The following NUMB variants were observed in gnomAD, a reference collection of about 807,000 sequenced individuals.
NUMB encodes the protein NUMB endocytic adaptor protein.
Under a neutral mutation model 59.7 loss-of-function variants are expected in NUMB, and 29 were observed. That is an observed-to-expected ratio of 0.49 (90% CI 0.36 to 0.66). NUMB has a LOEUF of 0.66. Ranked by LOEUF, NUMB falls within the 30% of genes least tolerant of loss-of-function variation. The pLI is 0.00. For synonymous variants in NUMB, 288 were observed against 288.2 expected (o/e 1.00, Z 0.01); for missense variants, 723 against 822.0 (o/e 0.88, Z 1.47).
At chr14:73,292,272 A>G (rs1310410997) in intron 8 of NUMB, among the ~76,000 whole-genome samples, 1 of 151,854 alleles carries the variant, frequency 6.6e-6, no homozygotes, top group Non-Finnish European at 1.5e-5. Flanking sequence ...TTAGTTTCCA[A>G]CTTGTGGTCT....
At chr14:73,415,201 A>G (rs1008454400) in intron 1 of NUMB, among the ~76,000 whole-genome samples, 2 of 151,660 alleles carry the variant, frequency 1.3e-5, no homozygotes, top group Admixed American at 6.6e-5. Flanking sequence ...CTTGCTTCTC[A>G]TGTTCTGCTT....
intron 1 of NUMB, among the ~76,000 whole-genome samples, chr14:73,427,107 A>C (rs1305888481): frequency 1.3e-5 from 2 of 152,212 alleles, no homozygotes; most frequent in Non-Finnish European, 2.9e-5. Flanking sequence ...GAAGGCTGAA[A>C]GCAACTGGCC....
intron 1 of NUMB, among the ~76,000 whole-genome samples, chr14:73,445,381 A>AAAAAAAAAC (rs1883413658): frequency 4.6e-5 from 6 of 129,848 alleles, no homozygotes; most frequent in Non-Finnish European, 6.6e-5. Context: ...AAAAAAAAAA[A>AAAAAAAAAC]AAAAAAAAAA....
At chr14:73,417,587 A>C (rs1897183768) in intron 1 of NUMB, among the ~76,000 whole-genome samples, 1 of 152,036 alleles carries the variant, frequency 6.6e-6, no homozygotes, top group South Asian at 2.1e-4. Flanking sequence ...TTAAAAATAC[A>C]TCTATAATGT....
intron 1 of NUMB, among the ~76,000 whole-genome samples, chr14:73,444,855 CA>C (rs11370548): frequency 0.062 from 7,350 of 118,426 alleles, 438 homozygotes; most frequent in African/African-American, 0.2. Context: ...CACTCCGTCT[CA>C]AAAAAAAAAA....
intron 4 of NUMB, among the ~76,000 whole-genome samples, chr14:73,326,301 G>A (rs935640980): frequency 4.6e-5 from 7 of 152,002 alleles, no homozygotes; most frequent in Admixed American, 6.6e-5. Context: ...GAATAGCACC[G>A]CAGATCAGAA....
At chr14:73,402,627 A>G (rs1260927285) in intron 2 of NUMB, among the ~76,000 whole-genome samples, 1 of 152,194 alleles carries the variant, frequency 6.6e-6, no homozygotes, top group Non-Finnish European at 1.5e-5. Flanking sequence ...CCAATGTATT[A>G]GGCACTGTAT....
At chr14:73,368,342 CGAGGCAAGTGGATCGCCT>C (rs1894482489) in intron 2 of NUMB, among the ~76,000 whole-genome samples, 2 of 152,108 alleles carry the variant, frequency 1.3e-5, no homozygotes, top group Admixed American at 1.3e-4. Context: ...TTTGGGAGGC[CGAGGCAAGTGGATCGCCT>C]GAGGTCAGGA....
chr14:73,310,035 C>T (rs994035649), intron 6 of NUMB, among the ~76,000 whole-genome samples: 2 of 152,072 alleles, frequency 1.3e-5, no homozygotes, highest in African/African-American at 4.8e-5. Context: ...AGTATATTAA[C>T]AGGATCTGTT....
chr14:73,423,811 A>G (rs540830943), intron 1 of NUMB, among the ~76,000 whole-genome samples: 2 of 151,868 alleles, frequency 1.3e-5, no homozygotes, highest in Admixed American at 6.6e-5. Context: ...TTCTGTCTCA[A>G]AAAAATTAGC....
chr14:73,394,428 G>A (rs1896020424), intron 2 of NUMB, among the ~76,000 whole-genome samples: 1 of 149,760 alleles, frequency 6.7e-6, no homozygotes, highest in Admixed American at 6.7e-5. Context: ...AAAAAAGAGA[G>A]AGAGATTGTC....
At chr14:73,336,437 A>AAT (rs1427657150) in intron 4 of NUMB, among the ~76,000 whole-genome samples, 3 of 152,218 alleles carry the variant, frequency 2.0e-5, no homozygotes, top group Non-Finnish European at 4.4e-5. Flanking sequence ...TGGGGAATTA[A>AAT]ATATAACCAA....
chr14:73,419,115 T>G (rs1249011744), intron 1 of NUMB, among the ~76,000 whole-genome samples: 1 of 152,118 alleles, frequency 6.6e-6, no homozygotes, highest in African/African-American at 2.4e-5. Flanking sequence ...AATGTCAGGT[T>G]TATAAAAAAA....
intron 4 of NUMB, among the ~76,000 whole-genome samples, chr14:73,354,959 T>C (rs1454032810): frequency 6.6e-6 from 1 of 152,178 alleles, no homozygotes; most frequent in African/African-American, 2.4e-5. Context: ...CCCCCACATT[T>C]AATACATCTC....
At chr14:73,325,278 G>C (rs1159642007) in intron 4 of NUMB, among the ~76,000 whole-genome samples, 1 of 152,028 alleles carries the variant, frequency 6.6e-6, no homozygotes, top group Non-Finnish European at 1.5e-5. Context: ...GACCAGCCTG[G>C]ACAACATAGT....
At chr14:73,329,743 A>C (rs1283116976) in intron 4 of NUMB, among the ~76,000 whole-genome samples, 1 of 152,190 alleles carries the variant, frequency 6.6e-6, no homozygotes. Flanking sequence ...CTCCAGTACC[A>C]AGTTTTGACT....
intron 5 of NUMB, among the ~76,000 whole-genome samples, chr14:73,320,063 C>T (rs909138381): frequency 5.9e-5 from 9 of 152,014 alleles, no homozygotes; most frequent in African/African-American, 2.2e-4. Context: ...ACCTGGGAGG[C>T]AGAGGTTGCA....
intron 2 of NUMB, among the ~76,000 whole-genome samples, chr14:73,371,005 C>T (rs1486635971): frequency 7.0e-6 from 1 of 142,600 alleles, no homozygotes; most frequent in Non-Finnish European, 1.5e-5. Flanking sequence ...CACTATGTTG[C>T]CCAGGCTGAT....
Position 73,276,628 on chromosome 14 carries a change from T to G in NUMB, c.1906A>C (p.Thr636Pro). 6.2e-7 allele frequency: 1 copy of G among 1,614,080 alleles called. No individual in the cohort carries two copies. Among genetic ancestry groups the G allele is most frequent in the Non-Finnish European group, 8.5e-7 (1 of 1,179,980 alleles). Residue 636 changes from threonine to proline, a missense_variant, in exon 13 of 13, where the codon ACC becomes CCC. Thr to Pro is a conservative substitution (Grantham distance 38). Transcript: ENST00000555238. ...KSKQRTNPSP[T>P]NPFSSDLQKT... ...TGTAAGTCACTGGAGAAAGGGTTGG[T>G]AGGGGAGGGATTAGTACGCTGCTTG...
Sources: gnomAD v4.1 joint callset for allele counts (sites outside exome capture counted in the v4.1 genomes callset) on GRCh38, gnomAD v4.1.1 for gene constraint, MANE v1.5 for transcripts, NCBI Gene and HGNC (gene_info 2026-07-23, HGNC 2026-07-21) for gene names.